The following MSL2 variants were observed in gnomAD, a reference collection of about 807,000 sequenced individuals.
MSL2 encodes the protein MSL complex subunit 2.
In MSL2, 2 loss-of-function variants were observed where a neutral mutation model predicts 35.8. That is an observed-to-expected ratio of 0.06 (90% CI 0.02 to 0.18). The LOEUF (loss-of-function observed/expected upper bound fraction) is 0.18. Among genes scored for constraint, MSL2 ranks in the 10% least tolerant of loss-of-function variants. The probability of loss-of-function intolerance (pLI) is 1.00; values close to 1 mark genes in which losing one functional copy is unlikely to be tolerated. For missense variants in MSL2, 523 were observed against 706.7 expected (o/e 0.74, Z 2.95); for synonymous variants, 296 against 255.7 (o/e 1.16, Z -1.50).
chr3:136,194,468 T>C (rs1267953261), intron 1 of MSL2: 2 of 985,788 alleles, frequency 2.0e-6, no homozygotes, highest in African/African-American at 1.7e-5. Context: ...AAAGCATTTG[T>C]GGAGGAACCT....
intron 1 of MSL2, among the ~76,000 whole-genome samples, chr3:136,190,979 A>G (rs1940671276): frequency 6.6e-6 from 1 of 152,238 alleles, no homozygotes; most frequent in African/African-American, 2.4e-5. Flanking sequence ...AGTGATAATC[A>G]GCTAATTAAC....
chr3:136,187,885 T>C (rs1940566679), intron 1 of MSL2, among the ~76,000 whole-genome samples: 1 of 152,222 alleles, frequency 6.6e-6, no homozygotes, highest in African/African-American at 2.4e-5. Context: ...ATTAGCAAGC[T>C]GGATTTTAAT....
rs11328242 is a variant in MSL2 at position 136,188,725 on chromosome 3, CAAA to C, written c.142+6244_142+6246del. Among the ~76,000 whole-genome samples, 329 of 102,490 alleles carry C rather than the reference CAAA, an allele frequency of 3.2e-3. 6 individuals are homozygous for C. Among genetic ancestry groups the C allele is most frequent in the African/African-American group, 8.8e-3 (239 of 27,128 alleles). The allele number at this position is 102,490 out of a possible 152,430, so 67.2% of individuals were successfully genotyped here. On this transcript the variant is annotated intron_variant, in intron 1 of 1. Coordinates refer to ENST00000309993, the MANE Select transcript of MSL2 (RefSeq NM_018133.4). ...TGGGGAAGAGAGCAAGACCCTGTCT[CAAA>C]AAAAAAAAAAAAAAAAAAGTATCCA...
intron 1 of MSL2, among the ~76,000 whole-genome samples, chr3:136,165,642 C>T (rs952394476): frequency 2.6e-5 from 4 of 152,096 alleles, no homozygotes; most frequent in African/African-American, 4.8e-5. Flanking sequence ...ATACAAGTAA[C>T]CTCCATATAC....
chr3:136,189,587 G>T (rs1170125172), intron 1 of MSL2, among the ~76,000 whole-genome samples: 1 of 151,124 alleles, frequency 6.6e-6, no homozygotes, highest in African/African-American at 2.4e-5. Context: ...AGCCGGGCGA[G>T]GTGGCGGGTG....
chr3:136,176,205 A>C (rs1046587774), intron 1 of MSL2, among the ~76,000 whole-genome samples: 9 of 152,160 alleles, frequency 5.9e-5, no homozygotes, highest in African/African-American at 2.2e-4. Context: ...TTAAAGTCTA[A>C]ACTTCTTTTA....
Position 136,193,242 on chromosome 3 carries a change from C to T in MSL2, c.142+1730G>A, listed in dbSNP as rs536172569. ...TTAGACCACCACTACCATCCGAAAG[C>T]TATTAATAGGAACTTAAAACCTCTG... On this transcript the variant is annotated intron_variant, in intron 1 of 1. Coordinates refer to ENST00000309993, the MANE Select transcript of MSL2 (RefSeq NM_018133.4). 6.0e-4 allele frequency among the ~76,000 whole-genome samples: 92 copies of T among 152,254 alleles called. 1 individual carries two copies. The South Asian group carries it at 6.8e-3, about 11-fold the overall frequency.
intron 1 of MSL2, among the ~76,000 whole-genome samples, chr3:136,157,278 G>A (rs530615763): frequency 1.0e-4 from 12 of 117,692 alleles, no homozygotes; most frequent in Non-Finnish European, 6.8e-5. Context: ...TCAGGAAGGC[G>A]GGCCAATCAC....
rs370981163 is a variant in MSL2, at chr3:136,152,306, T to C, written c.575A>G (p.Asn192Ser). Residue 192 changes from asparagine (N) to serine (S), a missense_variant, in exon 2 of 2, where the codon AAT (asparagine) becomes AGT (serine). This residue lies in a region of MSL2 where 361 missense variants were observed against 414.6 expected (regional missense o/e 0.87). Coordinates refer to ENST00000309993, the MANE Select transcript of MSL2 (RefSeq NM_018133.4). The part of the protein sequence containing the change: ...LSIAIGSSVI[N>S]GLPTYNGLSI... Reference sequence around the variant, plus strand: ...AAGCCCATTATAAGTAGGCAAACCATTGATAACAGAACTGCCAATAGCAAT... The same window carrying C: ...AAGCCCATTATAAGTAGGCAAACCACTGATAACAGAACTGCCAATAGCAAT... 20 of 1,613,994 alleles carry C rather than the reference T, an allele frequency of 1.2e-5. 1 individual carries two copies. Among genetic ancestry groups the C allele is most frequent in the African/African-American group, 1.1e-4 (8 of 75,024 alleles).
chr3:136,154,342 T>C (rs903832281), intron 1 of MSL2, among the ~76,000 whole-genome samples: 1 of 152,100 alleles, frequency 6.6e-6, no homozygotes, highest in African/African-American at 2.4e-5. Flanking sequence ...TATAATGAAG[T>C]AGTCCCCCGA....
intron 1 of MSL2, among the ~76,000 whole-genome samples, chr3:136,159,495 C>A (rs1939637831): frequency 6.7e-6 from 1 of 149,566 alleles, no homozygotes; most frequent in South Asian, 2.1e-4. Context: ...TCCCGAGTAG[C>A]TGGGACTACA....
chr3:136,192,368 G>T (rs1390153727), intron 1 of MSL2, among the ~76,000 whole-genome samples: 5 of 151,908 alleles, frequency 3.3e-5, no homozygotes, highest in Admixed American at 3.3e-4. Flanking sequence ...TAGTAGAGAT[G>T]GGGTTTCACT....
intron 1 of MSL2, among the ~76,000 whole-genome samples, chr3:136,153,542 C>A (rs991867168): frequency 6.6e-6 from 1 of 152,154 alleles, no homozygotes; most frequent in African/African-American, 2.4e-5. Flanking sequence ...AATCCCAGCA[C>A]TTTGGGAGGC....
chr3:136,195,967 G>T lies in MSL2; in HGVS notation c.-854C>A. 1 of 305,212 alleles carries T rather than the reference G, an allele frequency of 3.3e-6. No individual in the cohort carries two copies. Among genetic ancestry groups the T allele is most frequent in the Non-Finnish European group, 4.8e-6 (1 of 209,026 alleles). The allele number at this position is 305,212 out of a possible 1,614,324, so 18.9% of individuals were successfully genotyped here. ...CAGACTCAAGCGCCGCCCCCTCACT[G>T]CCCGGCCATTTTTTCGGCGCCACAC... is the stretch of plus-strand genomic sequence containing the variant. On this transcript the variant is annotated 5_prime_UTR_variant, in exon 1 of 2. Coordinates refer to ENST00000309993, the MANE Select transcript of MSL2 (RefSeq NM_018133.4).
At chr3:136,178,318 AT>A (rs142106246) in intron 1 of MSL2, among the ~76,000 whole-genome samples, 6 of 152,350 alleles carry the variant, frequency 3.9e-5, no homozygotes, top group Non-Finnish European at 8.8e-5. Flanking sequence ...AGGCTGATTA[AT>A]TAGGCAAAAT....
In MSL2 at chr3:136,152,291, T is replaced by C. The variant is rs867842976; in HGVS notation, c.590A>G (p.Tyr197Cys). Reference protein sequence around the residue: ...GSSVINGLPTYNGLSIDRFGI... With the variant: ...GSSVINGLPTCNGLSIDRFGI... ...AAATCTATCTATTGAAAGCCCATTA[T>C]AAGTAGGCAAACCATTGATAACAGA... The change falls in exon 2 of 2, where the codon TAT becomes TGT. Residue 197 changes from tyrosine (Y) to cysteine (C), a missense_variant. This residue lies in a region of MSL2 where 361 missense variants were observed against 414.6 expected (regional missense o/e 0.87). Coordinates refer to ENST00000309993, the MANE Select transcript of MSL2 (RefSeq NM_018133.4). 1 of 1,614,064 alleles carries C rather than the reference T, an allele frequency of 6.2e-7. No homozygotes were observed. Among genetic ancestry groups the C allele is most frequent in the Non-Finnish European group, 8.5e-7 (1 of 1,179,898 alleles).
chr3:136,164,728 T>C (rs1229563067), intron 1 of MSL2, among the ~76,000 whole-genome samples: 1 of 152,080 alleles, frequency 6.6e-6, no homozygotes, highest in African/African-American at 2.4e-5. Context: ...GGATGGGCAA[T>C]ATACAACAGG....
intron 1 of MSL2, among the ~76,000 whole-genome samples, chr3:136,163,794 A>C (rs1374109018): frequency 6.6e-6 from 1 of 152,110 alleles, no homozygotes; most frequent in Non-Finnish European, 1.5e-5. Flanking sequence ...AGTTCTCAGG[A>C]GATCTGATGG....
intron 1 of MSL2, among the ~76,000 whole-genome samples, chr3:136,159,693 A>G (rs995429914): frequency 2.0e-5 from 3 of 152,000 alleles, no homozygotes; most frequent in African/African-American, 7.2e-5. Context: ...TCAACATACC[A>G]TGTGAAACAA....
Sources: allele counts gnomAD v4.1 joint callset (sites outside exome capture counted in the v4.1 genomes callset), GRCh38; gene constraint gnomAD v4.1.1; regional missense constraint gnomAD v4.1.1; transcripts MANE v1.5; gene names NCBI Gene and HGNC (gene_info 2026-07-23, HGNC 2026-07-21).